The following MAPRE1 variants were observed in gnomAD, a reference collection of about 807,000 sequenced individuals.
The protein encoded by MAPRE1 is microtubule-associated protein RP/EB family member 1.
Under a neutral mutation model 32.1 loss-of-function variants are expected in MAPRE1, and 5 were observed. The observed-to-expected ratio is 0.16, with a 90% CI of 0.08 to 0.33. MAPRE1 has a LOEUF of 0.33. Among genes scored for constraint, MAPRE1 ranks in the 10% least tolerant of loss-of-function variants. MAPRE1 has a pLI of 1.00. For missense variants in MAPRE1, 209 were observed against 327.2 expected, an observed-to-expected ratio of 0.64 and a Z score of 2.79; for synonymous variants, 122 against 118.9, an observed-to-expected ratio of 1.03 and a Z score of -0.17.
intron 1 of MAPRE1, 90 bp from the exon 2 acceptor site, chr20:32,825,835 G>C: frequency 1.0e-6 from 1 of 984,216 alleles, no homozygotes; most frequent in African/African-American, 1.6e-5. Context: ...GTTCCTACAG[G>C]TTTGCTTTTG....
At chr20:32,819,858 C>T (rs1294631258), upstream of MAPRE1, 1 of 151,430 alleles carries the variant, frequency 6.6e-6, no homozygotes, top group Non-Finnish European at 1.5e-5. Flanking sequence ...GGCTGAGACC[C>T]TCTCTATAAA....
At chr20:32,824,748 C>G (rs550490609) in intron 1 of MAPRE1, among the ~76,000 whole-genome samples, 1 of 151,524 alleles carries the variant, frequency 6.6e-6, no homozygotes, top group Non-Finnish European at 1.5e-5. Flanking sequence ...GCTCCTCCCA[C>G]GTCAGCCTCC....
chr20:32,826,168 C>G, intron 2 of MAPRE1, 120 bp downstream of exon 2: 1 of 822,738 alleles, frequency 1.2e-6, no homozygotes, highest in Non-Finnish European at 1.8e-6. Flanking sequence ...TAGGGCCACC[C>G]TGTTTCTTCC....
chr20:32,846,781 G>A lies in MAPRE1; in HGVS notation c.750+11G>A. 1 of 1,613,674 alleles carries A rather than the reference G, an allele frequency of 6.2e-7. No homozygotes were observed. Among genetic ancestry groups the A allele is most frequent in the East Asian group, 2.2e-5 (1 of 44,880 alleles). On this transcript the variant is annotated intron_variant, in intron 6 of 6. Transcript: ENST00000375571. ...CTGTATGCCACAGATGTATGTGTTTGACATGAGGATATTTTCTTTCCATTT... is the reference window on the plus strand; with the variant it reads ...CTGTATGCCACAGATGTATGTGTTTAACATGAGGATATTTTCTTTCCATTT...
At chr20:32,826,201 G>A (rs1230825797) in intron 2 of MAPRE1, among the ~76,000 whole-genome samples, 153 bp downstream of exon 2, 1 of 147,700 alleles carries the variant, frequency 6.8e-6, no homozygotes, top group African/African-American at 2.5e-5. Flanking sequence ...CTTTGCTTCT[G>A]CTTCCAAAGG....
intron 3 of MAPRE1, 22 bp from the exon 4 acceptor site, chr20:32,836,612 A>G (rs1983208651): frequency 1.4e-6 from 2 of 1,470,252 alleles, no homozygotes; most frequent in African/African-American, 1.4e-5. Context: ...TTTTGGGGCT[A>G]AACAGTTGTT....
intron 5 of MAPRE1, among the ~76,000 whole-genome samples, chr20:32,840,932 C>T (rs1229583728): frequency 6.6e-6 from 1 of 152,180 alleles, no homozygotes; most frequent in African/African-American, 2.4e-5. Context: ...TCTTCCGCCT[C>T]AGCCTCCCGA....
At chr20:32,826,236 T>TTTTTTTTTTTTTGA (rs1491215602) in intron 2 of MAPRE1, among the ~76,000 whole-genome samples, 188 bp downstream of exon 2, 32 of 104,982 alleles carry the variant, frequency 3.0e-4, no homozygotes, top group African/African-American at 1.2e-3. Flanking sequence ...TTTTTTTTTT[T>TTTTTTTTTTTTTGA]GACAGAGTCT....
chr20:32,832,420 G>C (rs895887493), intron 2 of MAPRE1, among the ~76,000 whole-genome samples: 3 of 150,816 alleles, frequency 2.0e-5, no homozygotes, highest in African/African-American at 7.3e-5. Flanking sequence ...AGTGGGGGAA[G>C]GAATGAAATG....
chr20:32,834,972 GTAAC>G (rs1008118120), intron 3 of MAPRE1, among the ~76,000 whole-genome samples: 7 of 152,154 alleles, frequency 4.6e-5, no homozygotes, highest in Non-Finnish European at 1.0e-4. Context: ...ATCAAGCAAA[GTAAC>G]TTTTAAAAAT....
At chr20:32,824,467 C>G (rs1982786841) in intron 1 of MAPRE1, among the ~76,000 whole-genome samples, 1 of 152,182 alleles carries the variant, frequency 6.6e-6, no homozygotes, top group Non-Finnish European at 1.5e-5. Context: ...AAATGAGGGA[C>G]ATGAAGTGAA....
chr20:32,829,848 A>T (rs570008333), intron 2 of MAPRE1, among the ~76,000 whole-genome samples: 1 of 152,194 alleles, frequency 6.6e-6, no homozygotes, highest in African/African-American at 2.4e-5. Context: ...AGGTTGTTTC[A>T]AGATTCATTA....
intron 1 of MAPRE1, among the ~76,000 whole-genome samples, chr20:32,824,898 T>C (rs1258370902): frequency 2.0e-5 from 3 of 151,818 alleles, no homozygotes; most frequent in African/African-American, 7.2e-5. Flanking sequence ...ACGCCTGTAA[T>C]CCCAGCACTT....
At position 32,836,134 on chromosome 20, in the gene MAPRE1, T is replaced by C. The variant is rs1338433419; in HGVS notation, c.268-500T>C. Reference sequence around the variant, plus strand: ...CCACCACACCTGCCTAATTTTTTTGTATTTTTGGTAGAGCCTAGGTGTCAC... The same window carrying C: ...CCACCACACCTGCCTAATTTTTTTGCATTTTTGGTAGAGCCTAGGTGTCAC... On this transcript the variant is annotated intron_variant, in intron 3 of 6. Coordinates refer to ENST00000375571, the MANE Select transcript of MAPRE1 (RefSeq NM_012325.3). Among the ~76,000 whole-genome samples, 3 of 152,028 alleles carry C rather than the reference T, an allele frequency of 2.0e-5. No individual in the cohort carries two copies. The East Asian group carries it at 5.8e-4, about 29-fold the overall frequency.
Position 32,836,747 on chromosome 20 carries a change from G to A in MAPRE1, c.381G>A (p.Val127=), listed in dbSNP as rs745778491. The A allele has an allele frequency of 6.2e-7, 1 of 1,613,942 alleles. No individual in the cohort carries two copies. Reference sequence around the variant, plus strand: ...ATGATGGAAAAGACTATGACCCTGTGGCTGCCAGACAAGGTCAAGAAACTG... The same window carrying A: ...ATGATGGAAAAGACTATGACCCTGTAGCTGCCAGACAAGGTCAAGAAACTG... ...ANYDGKDYDP[V]AARQGQETAV... The change falls in exon 4 of 7, where the codon GTG becomes GTA. Residue 127 remains valine (V), a synonymous_variant. Transcript: ENST00000375571.
intron 5 of MAPRE1, chr20:32,843,109 G>A (rs1038224292): frequency 3.3e-5 from 5 of 152,222 alleles, no homozygotes; most frequent in Non-Finnish European, 7.4e-5. Flanking sequence ...TGACATAGAA[G>A]TACTGTGTTT....
At position 32,850,404 on chromosome 20, in the gene MAPRE1, T is replaced by C. The variant is rs1480785137; in HGVS notation, c.*1676T>C. 1 of 152,580 alleles carries C rather than the reference T, an allele frequency of 6.6e-6. No homozygotes were observed. Among genetic ancestry groups the C allele is most frequent in the Non-Finnish European group, 1.5e-5 (1 of 68,032 alleles). The allele number at this position is 152,580 out of a possible 1,614,324, so 9.5% of individuals were successfully genotyped here. On this transcript the variant is annotated 3_prime_UTR_variant, in exon 7 of 7. Transcript: ENST00000375571. ...TAAATAAAATTCTGTATTTCAAGAG[T>C]ATCATGTCTTCTGAAATTTGTCTTG...
intron 2 of MAPRE1, among the ~76,000 whole-genome samples, chr20:32,826,519 C>CT (rs71338460): frequency 0.13 from 5,860 of 46,520 alleles, 1,015 homozygotes; most frequent in East Asian, 0.32. Context: ...CACGCCCGGC[C>CT]TTTTTTTTTT....
At chr20:32,822,523 G>A (rs1227360000) in intron 1 of MAPRE1, among the ~76,000 whole-genome samples, 1 of 152,178 alleles carries the variant, frequency 6.6e-6, no homozygotes, top group Non-Finnish European at 1.5e-5. Context: ...TTGGAGATAG[G>A]AGGATGAGTG....
Sources: gnomAD v4.1 joint callset for allele counts (sites outside exome capture counted in the v4.1 genomes callset) on GRCh38, gnomAD v4.1.1 for gene constraint, MANE v1.5 for transcripts, NCBI Gene and HGNC (gene_info 2026-07-23, HGNC 2026-07-21) for gene names.